The following NME7 variants were observed in gnomAD, a reference collection of about 807,000 sequenced individuals.
NME7 encodes the protein nucleoside diphosphate kinase 7.
Under a neutral mutation model 49.1 loss-of-function variants are expected in NME7, and 41 were observed. That is an observed-to-expected ratio of 0.83 (90% CI 0.65 to 1.08). NME7 has a LOEUF of 1.08. Among genes scored for constraint, NME7 ranks in the 50% least tolerant of loss-of-function variants. The probability of loss-of-function intolerance (pLI) is 0.00; values close to 1 mark genes in which losing one functional copy is unlikely to be tolerated. For missense variants in NME7, 423 were observed against 463.4 expected, an observed-to-expected ratio of 0.91 and a Z score of 0.80; for synonymous variants, 139 against 150.6, an observed-to-expected ratio of 0.92 and a Z score of 0.56.
chr1:169,160,848 T>C (rs1230303640), intron 11 of NME7, among the ~76,000 whole-genome samples: 2 of 152,210 alleles, frequency 1.3e-5, no homozygotes, highest in Non-Finnish European at 1.5e-5. Flanking sequence ...TCACATCCAA[T>C]TAGTCTCTGA....
chr1:169,304,520 A>G (rs190785007), intron 4 of NME7, among the ~76,000 whole-genome samples: 2 of 152,218 alleles, frequency 1.3e-5, no homozygotes, highest in African/African-American at 4.8e-5. Flanking sequence ...AGAGATTATG[A>G]AATATGTAAT....
At chr1:169,237,504 T>C in intron 8 of NME7, 119 bp downstream of exon 8, 1 of 649,454 alleles carries the variant, frequency 1.5e-6, no homozygotes. Context: ...GTTCAGTAAG[T>C]ATGTCTTTTA....
chr1:169,216,631 G>A (rs992165707), intron 10 of NME7, among the ~76,000 whole-genome samples: 1 of 152,196 alleles, frequency 6.6e-6, no homozygotes, highest in Non-Finnish European at 1.5e-5. Context: ...TTTATTTATA[G>A]CAAGTCAGTA....
intron 9 of NME7, 90 bp from the exon 10 acceptor site, chr1:169,230,909 A>G: frequency 1.3e-6 from 1 of 780,228 alleles, no homozygotes; most frequent in East Asian, 3.0e-5. Flanking sequence ...AATGTCCTTA[A>G]AGTCATCTGT....
At chr1:169,307,578 T>C (rs10732287) in intron 4 of NME7, among the ~76,000 whole-genome samples, 115,199 of 152,142 alleles carry the variant, frequency 0.76, 43,777 homozygotes, top group East Asian at 0.94. Flanking sequence ...GTTTTAGCAT[T>C]TTTCTTCATG....
intron 7 of NME7, chr1:169,284,799 T>C (rs1340460102): frequency 1.3e-5 from 2 of 152,192 alleles, no homozygotes; most frequent in Admixed American, 6.5e-5. Context: ...ATTTTCTCCA[T>C]GTGGCTATCA....
chr1:169,223,802 G>T, intron 10 of NME7, among the ~76,000 whole-genome samples: 1 of 151,986 alleles, frequency 6.6e-6, no homozygotes, highest in East Asian at 1.9e-4. Flanking sequence ...GAGAGAGAGA[G>T]AGAGATGTAT....
chr1:169,169,640 T>C, intron 10 of NME7, 86 bp from the exon 11 acceptor site: 3 of 1,170,524 alleles, frequency 2.6e-6, no homozygotes, highest in Non-Finnish European at 3.8e-6. Flanking sequence ...CGCTAACTTA[T>C]TTATGAAATA....
intron 10 of NME7, among the ~76,000 whole-genome samples, chr1:169,206,259 A>G (rs1042126880): frequency 7.9e-5 from 12 of 152,184 alleles, no homozygotes; most frequent in African/African-American, 2.9e-4. Context: ...TGTATCTAGA[A>G]TAGTACTTAG....
intron 8 of NME7, among the ~76,000 whole-genome samples, chr1:169,236,048 G>A (rs567914501): frequency 6.6e-6 from 1 of 151,950 alleles, no homozygotes; most frequent in African/African-American, 2.4e-5. Flanking sequence ...TGCCAATATG[G>A]ACAATCATTT....
intron 10 of NME7, among the ~76,000 whole-genome samples, chr1:169,226,330 T>A (rs971144859): frequency 1.3e-5 from 2 of 152,182 alleles, no homozygotes; most frequent in Admixed American, 1.3e-4. Context: ...GGTTTGATCA[T>A]TAATATAAAC....
chr1:169,162,397 G>GAAA (rs535546551), intron 11 of NME7, among the ~76,000 whole-genome samples: 1 of 140,528 alleles, frequency 7.1e-6, no homozygotes, highest in Non-Finnish European at 1.6e-5. Flanking sequence ...AGAACATTTA[G>GAAA]AAAAAAAAAA....
At chr1:169,197,161 C>T (rs1386023085) in intron 10 of NME7, among the ~76,000 whole-genome samples, 2 of 151,520 alleles carry the variant, frequency 1.3e-5, no homozygotes, top group East Asian at 3.9e-4. Flanking sequence ...AGCCTTAGGA[C>T]CAAAATGAAA....
chr1:169,282,164 G>A (rs1650046657), intron 7 of NME7, among the ~76,000 whole-genome samples: 1 of 152,062 alleles, frequency 6.6e-6, no homozygotes, highest in Non-Finnish European at 1.5e-5. Flanking sequence ...ACTTCTTCCT[G>A]GCTTAGACTT....
intron 3 of NME7, among the ~76,000 whole-genome samples, chr1:169,321,778 C>T (rs890126141): frequency 3.3e-5 from 5 of 152,278 alleles, no homozygotes; most frequent in Admixed American, 1.3e-4. Flanking sequence ...GTGACTCAGA[C>T]GTTAGGCAAT....
chr1:169,317,650 T>C (rs1308803041), intron 3 of NME7, among the ~76,000 whole-genome samples: 1 of 152,166 alleles, frequency 6.6e-6, no homozygotes, highest in East Asian at 1.9e-4. Flanking sequence ...GTAATTGGTA[T>C]TGAGGGAAAG....
intron 10 of NME7, among the ~76,000 whole-genome samples, chr1:169,227,409 C>T (rs1647394167): frequency 6.6e-6 from 1 of 152,160 alleles, no homozygotes. Flanking sequence ...ATATCTTAGT[C>T]CATTTTCTTT....
intron 11 of NME7, among the ~76,000 whole-genome samples, chr1:169,161,114 AT>A (rs1659230543): frequency 6.6e-6 from 1 of 152,146 alleles, no homozygotes; most frequent in Admixed American, 6.5e-5. Context: ...TAAAACATTT[AT>A]TTGGATCCCT....
intron 7 of NME7, among the ~76,000 whole-genome samples, chr1:169,255,880 T>C (rs1479207600): frequency 1.5e-5 from 2 of 133,092 alleles, no homozygotes; most frequent in Admixed American, 1.5e-4. Flanking sequence ...TTAAGAATGG[T>C]GAATATTGGC....
Sources: allele counts gnomAD v4.1 joint callset (sites outside exome capture counted in the v4.1 genomes callset), GRCh38; gene constraint gnomAD v4.1.1; transcripts MANE v1.5; gene names NCBI Gene and HGNC (gene_info 2026-07-23, HGNC 2026-07-21).